The following ENTREP2 variants were observed in gnomAD, a reference collection of about 807,000 sequenced individuals.
The protein encoded by ENTREP2 is protein ENTREP2.
chr15:29,403,860 G>A, the ENTREP2 span, among the ~76,000 whole-genome samples: 3 of 152,174 alleles, frequency 2.0e-5, no homozygotes, highest in South Asian at 2.1e-4. Flanking sequence ...CACCCCCAAA[G>A]GGTTGCCTGA....
At chr15:29,126,124 G>A in the ENTREP2 span, 10 of 684,628 alleles carry the variant, frequency 1.5e-5, no homozygotes, top group Non-Finnish European at 2.4e-5. Context: ...CCCTGGCTCA[G>A]GGGCCATCAA....
chr15:29,632,275 A>G, the ENTREP2 span, among the ~76,000 whole-genome samples: 9 of 152,136 alleles, frequency 5.9e-5, no homozygotes, highest in Non-Finnish European at 1.2e-4. Context: ...CCATTAAATT[A>G]TTTCCAGGGT....
At chr15:29,169,099 G>C in the ENTREP2 span, among the ~76,000 whole-genome samples, 5 of 152,246 alleles carry the variant, frequency 3.3e-5, no homozygotes, top group Non-Finnish European at 7.4e-5. Context: ...ACACACTTTT[G>C]TATCTTTGTG....
the ENTREP2 span, among the ~76,000 whole-genome samples, chr15:29,317,929 G>A: frequency 1.3e-5 from 2 of 152,266 alleles, no homozygotes; most frequent in African/African-American, 4.8e-5. Context: ...GTGAGATGAG[G>A]GTGTGGCTTT....
At chr15:29,403,566 C>CTA in the ENTREP2 span, among the ~76,000 whole-genome samples, 96 of 152,302 alleles carry the variant, frequency 6.3e-4, no homozygotes, top group Middle Eastern at 3.4e-3. Context: ...TCCACTGGAA[C>CTA]TATACAATAG....
chr15:29,201,284 C>T, the ENTREP2 span, among the ~76,000 whole-genome samples: 2 of 152,192 alleles, frequency 1.3e-5, no homozygotes, highest in East Asian at 1.9e-4. Flanking sequence ...TGCCATACTA[C>T]ATTGGCTTGA....
the ENTREP2 span, among the ~76,000 whole-genome samples, chr15:29,639,758 T>G: frequency 6.7e-6 from 1 of 149,170 alleles, no homozygotes; most frequent in Non-Finnish European, 1.5e-5. Flanking sequence ...CAAAAGTTGG[T>G]TTTTGTTTGC....
At chr15:29,431,695 A>G in the ENTREP2 span, among the ~76,000 whole-genome samples, 2 of 152,214 alleles carry the variant, frequency 1.3e-5, no homozygotes, top group African/African-American at 4.8e-5. Context: ...CAGAACATAG[A>G]GAACTCAGCT....
At chr15:29,565,185 A>G in the ENTREP2 span, among the ~76,000 whole-genome samples, 1 of 152,234 alleles carries the variant, frequency 6.6e-6, no homozygotes, top group Non-Finnish European at 1.5e-5. Flanking sequence ...ATCCAATGAA[A>G]TATCTTTCTG....
chr15:29,435,720 T>C, the ENTREP2 span, among the ~76,000 whole-genome samples: 1 of 151,956 alleles, frequency 6.6e-6, no homozygotes, highest in African/African-American at 2.4e-5. Flanking sequence ...TGTGTGTGTG[T>C]GTGTATATAT....
chr15:29,287,767 G>A, the ENTREP2 span, among the ~76,000 whole-genome samples: 6 of 152,170 alleles, frequency 3.9e-5, no homozygotes, highest in Non-Finnish European at 7.4e-5. Flanking sequence ...TTACTAAAAA[G>A]CTCATGTGAA....
At chr15:29,184,173 C>T in the ENTREP2 span, among the ~76,000 whole-genome samples, 3 of 152,224 alleles carry the variant, frequency 2.0e-5, no homozygotes, top group Admixed American at 6.5e-5. Flanking sequence ...TTAGTAGACA[C>T]GGGGTTTTGC....
At chr15:29,181,345 G>A in the ENTREP2 span, among the ~76,000 whole-genome samples, 3 of 152,146 alleles carry the variant, frequency 2.0e-5, no homozygotes, top group African/African-American at 7.2e-5. Context: ...AAATAGGTAA[G>A]TTTAATCTTC....
the ENTREP2 span, among the ~76,000 whole-genome samples, chr15:29,446,697 T>C: frequency 4.3e-4 from 65 of 152,370 alleles, no homozygotes; most frequent in African/African-American, 1.5e-3. Flanking sequence ...CACAAATTTA[T>C]GATCTTGCAT....
At chr15:29,672,147 C>T in the ENTREP2 span, among the ~76,000 whole-genome samples, 100 of 152,234 alleles carry the variant, frequency 6.6e-4, 1 homozygote, top group African/African-American at 2.3e-3. Context: ...CCACCATACC[C>T]GGCTAATTTT....
the ENTREP2 span, among the ~76,000 whole-genome samples, chr15:29,178,271 G>A: frequency 6.8e-6 from 1 of 147,386 alleles, no homozygotes; most frequent in Non-Finnish European, 1.5e-5. Context: ...TCCAGCCTGG[G>A]CAACAGAGCA....
At chr15:29,189,576 C>T in the ENTREP2 span, among the ~76,000 whole-genome samples, 5 of 152,028 alleles carry the variant, frequency 3.3e-5, no homozygotes, top group African/African-American at 1.2e-4. Context: ...AAACCAGGTA[C>T]ATGAAAGAAG....
the ENTREP2 span, among the ~76,000 whole-genome samples, chr15:29,237,605 T>C: frequency 6.6e-6 from 1 of 152,152 alleles, no homozygotes; most frequent in African/African-American, 2.4e-5. Flanking sequence ...TTCAAAACCA[T>C]CATGAGATAC....
At chr15:29,149,520 A>G in the ENTREP2 span, among the ~76,000 whole-genome samples, 1 of 152,194 alleles carries the variant, frequency 6.6e-6, no homozygotes, top group Non-Finnish European at 1.5e-5. Flanking sequence ...GCCTCGGCCC[A>G]CATGGCAAGA....
Sources: allele counts gnomAD v4.1 joint callset (sites outside exome capture counted in the v4.1 genomes callset), GRCh38; gene constraint gnomAD v4.1.1; transcripts MANE v1.5; gene names NCBI Gene and HGNC (gene_info 2026-07-23, HGNC 2026-07-21).